The following DCC variants were observed in gnomAD, a reference collection of about 807,000 sequenced individuals.
DCC encodes the protein netrin receptor DCC.
DCC carries 58 observed loss-of-function variants against 172.5 expected under a neutral mutation model. The ratio of observed to expected loss-of-function variants is 0.34; its 90% CI spans 0.27 to 0.42. The LOEUF is 0.42. Ranked by LOEUF, DCC falls within the 10% of genes least tolerant of loss-of-function variation. The pLI, the probability that DCC is intolerant of heterozygous loss-of-function variation, is 1.00. For synonymous variants in DCC, 709 were observed against 644.5 expected (o/e 1.10, Z -1.52); for missense variants, 1,740 against 1,791.0 (o/e 0.97, Z 0.51).
intron 1 of DCC, among the ~76,000 whole-genome samples, chr18:52,735,772 C>G (rs1002332771): frequency 6.6e-6 from 1 of 152,078 alleles, no homozygotes; most frequent in African/African-American, 2.4e-5. Context: ...GGGTCTGCCT[C>G]TCTCAGTCTA....
At chr18:53,136,723 A>T (rs2043748628) in intron 7 of DCC, among the ~76,000 whole-genome samples, 2 of 152,126 alleles carry the variant, frequency 1.3e-5, no homozygotes, top group African/African-American at 2.4e-5. Context: ...ACCTGTCAGG[A>T]TTCATCAAAT....
intron 9 of DCC, among the ~76,000 whole-genome samples, chr18:53,196,841 T>G (rs2055450266): frequency 6.6e-6 from 1 of 152,128 alleles, no homozygotes; most frequent in African/African-American, 2.4e-5. Flanking sequence ...AACCAAATGT[T>G]GCCAGACTCC....
intron 5 of DCC, among the ~76,000 whole-genome samples, chr18:52,928,926 A>G (rs563851902): frequency 1.2e-4 from 19 of 152,212 alleles, no homozygotes; most frequent in South Asian, 4.2e-4. Flanking sequence ...GCTGGTGGCA[A>G]TGGAGAGCAC....
intron 12 of DCC, among the ~76,000 whole-genome samples, chr18:53,219,872 A>G (rs571981142): frequency 3.9e-5 from 6 of 152,320 alleles, no homozygotes; most frequent in Admixed American, 2.6e-4. Context: ...GATCATTTTT[A>G]ACAGATATTT....
At chr18:52,878,311 G>C (rs1257621888) in intron 2 of DCC, among the ~76,000 whole-genome samples, 1 of 152,048 alleles carries the variant, frequency 6.6e-6, no homozygotes, top group Non-Finnish European at 1.5e-5. Flanking sequence ...CAACCCATAA[G>C]AATCACTCTC....
chr18:53,467,950 G>A lies in DCC; in HGVS notation c.3676G>A (p.Ala1226Thr), dbSNP rs769296222. ...SMSTLERSLA[A>T]RRAPRAKLMI... ...GTCCACTCTGGAGAGGTCGCTGGCT[G>A]CACGCCGAGCCCCCCGGGCCAAGCT... is the stretch of plus-strand genomic sequence containing the variant. Residue 1226 changes from alanine (A) to threonine (T), a missense_variant, in exon 25 of 29, where the codon GCA becomes ACA. Transcript: ENST00000442544. 2 of 1,612,988 alleles carry A rather than the reference G, an allele frequency of 1.2e-6. No homozygotes were observed. The highest frequency in any genetic ancestry group is 1.7e-6 in the Non-Finnish European group (2 of 1,179,210).
At chr18:52,443,749 C>T (rs1988040158) in intron 1 of DCC, among the ~76,000 whole-genome samples, 1 of 152,142 alleles carries the variant, frequency 6.6e-6, no homozygotes, top group African/African-American at 2.4e-5. Flanking sequence ...AAAATATATG[C>T]TAACAAGTTA....
intron 23 of DCC, among the ~76,000 whole-genome samples, chr18:53,456,616 C>G (rs1289833423): frequency 4.6e-5 from 7 of 152,194 alleles, no homozygotes; most frequent in Admixed American, 3.9e-4. Flanking sequence ...AGACTGCCCC[C>G]TGCAACCAAG....
chr18:52,867,890 G>A (rs1181424093), intron 2 of DCC, among the ~76,000 whole-genome samples: 2 of 151,976 alleles, frequency 1.3e-5, no homozygotes, highest in Non-Finnish European at 2.9e-5. Flanking sequence ...TTTGTTTTAG[G>A]TCAGATTTTT....
At chr18:53,333,357 T>A (rs1259654873) in intron 14 of DCC, among the ~76,000 whole-genome samples, 5 of 152,194 alleles carry the variant, frequency 3.3e-5, no homozygotes, top group Non-Finnish European at 7.3e-5. Context: ...TATAGGCTAT[T>A]GAGGACTAGA....
intron 2 of DCC, among the ~76,000 whole-genome samples, chr18:52,879,441 T>TTTTTTTTTTTTTTTTTTTTTTTTTTTTTA (rs2039451048): frequency 9.1e-6 from 1 of 109,744 alleles, no homozygotes; most frequent in Admixed American, 9.8e-5. Flanking sequence ...TTTTTTTTTT[T>TTTTTTTTTTTTTTTTTTTTTTTTTTTTTA]GAGATGGAGT....
chr18:53,291,675 ATATAT>A (rs2057006807), intron 12 of DCC, among the ~76,000 whole-genome samples: 1 of 152,140 alleles, frequency 6.6e-6, no homozygotes, highest in Non-Finnish European at 1.5e-5. Context: ...CCTACATCAA[ATATAT>A]TATATTGCTT....
intron 2 of DCC, among the ~76,000 whole-genome samples, chr18:52,792,823 C>CCAG (rs2037800369): frequency 2.1e-5 from 3 of 143,492 alleles, no homozygotes; most frequent in Non-Finnish European, 4.6e-5. Context: ...CAATTCCATT[C>CCAG]TATTCCATTC....
intron 1 of DCC, among the ~76,000 whole-genome samples, chr18:52,443,134 C>T (rs1988020438): frequency 6.6e-6 from 1 of 152,004 alleles, no homozygotes; most frequent in Admixed American, 6.5e-5. Context: ...ACAAATTCAG[C>T]CAACACCACT....
At chr18:53,411,586 T>G (rs562607384) in intron 20 of DCC, among the ~76,000 whole-genome samples, 1 of 152,286 alleles carries the variant, frequency 6.6e-6, no homozygotes, top group Non-Finnish European at 1.5e-5. Context: ...TATAACTGTA[T>G]AGCCTATTCC....
intron 1 of DCC, among the ~76,000 whole-genome samples, chr18:52,416,488 T>C (rs1987034586): frequency 6.6e-6 from 1 of 151,830 alleles, no homozygotes; most frequent in Non-Finnish European, 1.5e-5. Flanking sequence ...AAGTCTCCCA[T>C]TATTATTGTG....
intron 1 of DCC, among the ~76,000 whole-genome samples, chr18:52,658,433 C>A (rs4940200): frequency 0.31 from 46,428 of 151,868 alleles, 7,691 homozygotes; most frequent in East Asian, 0.51. Flanking sequence ...ATCTAAATAA[C>A]CCTGGGCACA....
At chr18:53,112,751 G>A (rs781423868) in intron 7 of DCC, among the ~76,000 whole-genome samples, 1 of 151,394 alleles carries the variant, frequency 6.6e-6, no homozygotes, top group Non-Finnish European at 1.5e-5. Context: ...GGGTAGAATT[G>A]GATATTATTC....
chr18:52,392,843 A>G (rs1248605349), intron 1 of DCC, among the ~76,000 whole-genome samples: 1 of 152,126 alleles, frequency 6.6e-6, no homozygotes, highest in Non-Finnish European at 1.5e-5. Flanking sequence ...ACTTTTTTTC[A>G]GGATTGGAAT....
Sources: gnomAD v4.1 joint callset for allele counts (sites outside exome capture counted in the v4.1 genomes callset) on GRCh38, gnomAD v4.1.1 for gene constraint, MANE v1.5 for transcripts, NCBI Gene and HGNC (gene_info 2026-07-23, HGNC 2026-07-21) for gene names.